ALDH1A2: variants seen among roughly 807,000 people sequenced by gnomAD.
ALDH1A2 encodes retinal dehydrogenase 2.
A neutral mutation model predicts 60.3 loss-of-function variants in ALDH1A2; 27 were observed. That is an observed-to-expected ratio of 0.45 (90% confidence interval 0.33 to 0.62). The LOEUF (loss-of-function observed/expected upper bound fraction) is 0.62, where lower values mean the gene tolerates loss of function less well. Ranked by LOEUF, ALDH1A2 falls within the 20% of genes least tolerant of loss-of-function variation. The pLI is 0.02. For missense variants in ALDH1A2, 581 were observed against 643.8 expected, an observed-to-expected ratio of 0.90 and a Z score of 1.06; for synonymous variants, 289 against 232.4, an observed-to-expected ratio of 1.24 and a Z score of -2.21.
intron 1 of ALDH1A2, among the ~76,000 whole-genome samples, chr15:58,024,926 C>T: frequency 6.6e-6 from 1 of 152,238 alleles, no homozygotes; most frequent in Non-Finnish European, 1.5e-5. Context: ...AAACAACATG[C>T]TCCTGAATGA....
At chr15:57,984,822 T>C (rs1301376419) in intron 7 of ALDH1A2, among the ~76,000 whole-genome samples, 2 of 152,244 alleles carry the variant, frequency 1.3e-5, no homozygotes, top group Non-Finnish European at 2.9e-5. Context: ...GCTGTGAACA[T>C]TTTTGTACAT....
intron 1 of ALDH1A2, among the ~76,000 whole-genome samples, chr15:58,064,382 TAACCTA>T (rs1897118981): frequency 6.6e-6 from 1 of 152,230 alleles, no homozygotes; most frequent in Non-Finnish European, 1.5e-5. Context: ...CCCTGATTTG[TAACCTA>T]AAACTCAATG....
At chr15:57,965,457 T>C (rs925731525) in intron 8 of ALDH1A2, among the ~76,000 whole-genome samples, 1 of 152,218 alleles carries the variant, frequency 6.6e-6, no homozygotes, top group Non-Finnish European at 1.5e-5. Flanking sequence ...TTGAACCATA[T>C]GCCACTGACC....
At chr15:57,982,842 C>G (rs1336117977) in intron 7 of ALDH1A2, among the ~76,000 whole-genome samples, 1 of 152,172 alleles carries the variant, frequency 6.6e-6, no homozygotes, top group Non-Finnish European at 1.5e-5. Context: ...TGACTATTAA[C>G]TACTCTCACT....
intron 12 of ALDH1A2, among the ~76,000 whole-genome samples, chr15:57,958,646 GGC>G (rs1193475891): frequency 6.6e-6 from 1 of 152,204 alleles, no homozygotes; most frequent in African/African-American, 2.4e-5. Context: ...GGAGTTTGCA[GGC>G]CATGAGATAA....
chr15:58,044,249 C>T (rs1896587338), intron 1 of ALDH1A2, among the ~76,000 whole-genome samples: 1 of 151,920 alleles, frequency 6.6e-6, no homozygotes, highest in South Asian at 2.1e-4. Context: ...ATCAACCTGT[C>T]ATCTAGGTTT....
chr15:58,003,080 C>T (rs538352689), intron 4 of ALDH1A2, among the ~76,000 whole-genome samples: 16 of 152,002 alleles, frequency 1.1e-4, no homozygotes, highest in African/African-American at 2.2e-4. Flanking sequence ...CTTAGCTCTA[C>T]GACTATTCCA....
At chr15:57,979,908 G>A (rs867439416) in intron 7 of ALDH1A2, 1 of 358,246 alleles carries the variant, frequency 2.8e-6, no homozygotes, top group Non-Finnish European at 5.8e-6. Flanking sequence ...CCATCTGCAG[G>A]GACATGGAGG....
intron 4 of ALDH1A2, among the ~76,000 whole-genome samples, chr15:57,998,546 T>G (rs1236512997): frequency 5.3e-5 from 8 of 151,912 alleles, no homozygotes; most frequent in African/African-American, 1.2e-4. Flanking sequence ...ATCAGGGAAA[T>G]CAGAGAGGAT....
chr15:58,036,707 TATA>T (rs1196127238), intron 1 of ALDH1A2: 1 of 151,672 alleles, frequency 6.6e-6, no homozygotes, highest in African/African-American at 2.4e-5. Context: ...CTCTGGAGCT[TATA>T]ATAATGCTTC....
At chr15:57,963,088 T>C (rs1241179874) in intron 9 of ALDH1A2, among the ~76,000 whole-genome samples, 2 of 152,168 alleles carry the variant, frequency 1.3e-5, no homozygotes, top group African/African-American at 4.8e-5. Context: ...CTTCACTTCC[T>C]ACACTTTCAC....
chr15:57,969,737 T>C (rs1372090196), intron 7 of ALDH1A2, among the ~76,000 whole-genome samples: 3 of 152,218 alleles, frequency 2.0e-5, no homozygotes. Context: ...GTAATATAGA[T>C]TAAATAGGAT....
rs1895726266 is a variant in ALDH1A2 at position 58,014,275 on chromosome 15, T to C, written c.124A>G (p.Ile42Val). ...TCTGAGTTCTGCCACTCGTTGTTTA[T>C]AAAGATCTAAGGGAGTAGATAACAG... ...NLEIKYTKIFINNEWQNSESG... is the reference protein window; with the variant it reads ...NLEIKYTKIFVNNEWQNSESG... The change falls in exon 2 of 13, where the codon ATA (isoleucine) becomes GTA (valine). Residue 42 changes from isoleucine (I) to valine (V), a missense_variant. By Grantham distance (29) the Ile-to-Val change is conservative. Transcript: ENST00000249750. 1 of 1,613,578 alleles carries C rather than the reference T, an allele frequency of 6.2e-7. No homozygotes were observed. The highest frequency in any genetic ancestry group is 1.3e-5 in the African/African-American group (1 of 75,036).
Position 58,020,915 on chromosome 15 carries a change from G to A in ALDH1A2, c.118-6634C>T, listed in dbSNP as rs184472787. 1.7e-3 allele frequency among the ~76,000 whole-genome samples: 265 copies of A among 151,948 alleles called. 1 individual carries two copies. The highest frequency in any genetic ancestry group is 0.011 in the Admixed American group (163 of 15,264). On this transcript the variant is annotated intron_variant, in intron 1 of 12. Coordinates refer to ENST00000249750, the MANE Select transcript of ALDH1A2 (RefSeq NM_003888.4). ...CTAAATTTCTACCTTTATAATTTTC[G>A]GGGTATTTTATTAGTGAATATAAGT... is the stretch of plus-strand genomic sequence containing the variant.
intron 7 of ALDH1A2, chr15:57,991,536 A>G (rs1182955097): frequency 6.6e-6 from 1 of 152,232 alleles, no homozygotes; most frequent in Non-Finnish European, 1.5e-5. Context: ...GTGCTGTCCA[A>G]TACGGTAGCA....
At chr15:57,980,386 GT>G in intron 7 of ALDH1A2, 1 of 370,258 alleles carries the variant, frequency 2.7e-6, no homozygotes. Context: ...AGTTGGAGAG[GT>G]TTTCCAGCTG....
At chr15:58,049,880 T>C (rs1896732988) in intron 1 of ALDH1A2, among the ~76,000 whole-genome samples, 1 of 152,070 alleles carries the variant, frequency 6.6e-6, no homozygotes, top group Non-Finnish European at 1.5e-5. Context: ...TGTCTTCTGT[T>C]TGGAAACAAA....
chr15:57,965,902 G>T, intron 7 of ALDH1A2, 75 bp from the exon 8 acceptor site: 1 of 1,112,198 alleles, frequency 9.0e-7, no homozygotes, highest in Non-Finnish European at 1.4e-6. Context: ...CCAGCTCAGG[G>T]CATCAATGGG....
chr15:57,998,983 A>G (rs1386798132), intron 4 of ALDH1A2, among the ~76,000 whole-genome samples: 7 of 152,222 alleles, frequency 4.6e-5, no homozygotes, highest in African/African-American at 1.4e-4. Flanking sequence ...GGTGCTGGGA[A>G]AACTAGCTAG....
Sources: allele counts gnomAD v4.1 joint callset (sites outside exome capture counted in the v4.1 genomes callset), GRCh38; gene constraint gnomAD v4.1.1; transcripts MANE v1.5; gene names NCBI Gene and HGNC (gene_info 2026-07-23, HGNC 2026-07-21).